AFF4: variants seen among roughly 807,000 people sequenced by gnomAD.
The protein encoded by AFF4 is ALF transcription elongation factor 4, also known as AF4/FMR2 family member 4.
In AFF4, 13 loss-of-function variants were observed where a neutral mutation model predicts 124.8. That is an observed-to-expected ratio of 0.10 (90% CI 0.07 to 0.17). The LOEUF (loss-of-function observed/expected upper bound fraction) is 0.17, where lower values mean the gene tolerates loss of function less well. AFF4 is among the 10% of genes least tolerant of loss of function. The probability of loss-of-function intolerance (pLI) is 1.00; values close to 1 mark genes in which losing one functional copy is unlikely to be tolerated. For synonymous variants in AFF4, 477 were observed against 496.1 expected (o/e 0.96, Z 0.51); for missense variants, 1,092 against 1,403.8 (o/e 0.78, Z 3.55).
chr5:132,889,747 G>A (rs1760208005), intron 13 of AFF4, among the ~76,000 whole-genome samples: 1 of 152,266 alleles, frequency 6.6e-6, no homozygotes, highest in Non-Finnish European at 1.5e-5. Flanking sequence ...AGAATTGCCA[G>A]ACTTCAAAAG....
chr5:132,917,860 G>A (rs1200375234), intron 5 of AFF4, among the ~76,000 whole-genome samples: 2 of 149,874 alleles, frequency 1.3e-5, no homozygotes, highest in Non-Finnish European at 3.0e-5. Flanking sequence ...TTACAGGTGT[G>A]TGCCACCGCA....
At chr5:132,908,078 G>A (rs1021041130) in intron 5 of AFF4, among the ~76,000 whole-genome samples, 4 of 151,794 alleles carry the variant, frequency 2.6e-5, no homozygotes, top group African/African-American at 7.3e-5. Context: ...AGTAGTACCA[G>A]TAGGAGATAA....
At chr5:132,936,325 A>G (rs1195846217) in intron 2 of AFF4, among the ~76,000 whole-genome samples, 3 of 151,876 alleles carry the variant, frequency 2.0e-5, no homozygotes, top group Admixed American at 2.0e-4. Context: ...ATTAGCTAAC[A>G]TTCGTATTTT....
intron 5 of AFF4, among the ~76,000 whole-genome samples, chr5:132,911,674 T>A (rs1760793535): frequency 7.1e-6 from 1 of 141,800 alleles, no homozygotes; most frequent in African/African-American, 2.6e-5. Context: ...GAGAAGAGGG[T>A]AAAAAAAAAA....
chr5:132,894,356 T>A (rs1760335270), intron 11 of AFF4, among the ~76,000 whole-genome samples: 1 of 152,226 alleles, frequency 6.6e-6, no homozygotes, highest in Admixed American at 6.5e-5. Flanking sequence ...ATACTTTTGA[T>A]CATAGCACAG....
At chr5:132,895,561 G>A (rs982455082) in intron 11 of AFF4, among the ~76,000 whole-genome samples, 9 of 152,082 alleles carry the variant, frequency 5.9e-5, no homozygotes, top group African/African-American at 1.7e-4. Context: ...GACATGTATC[G>A]GAAGAAATTA....
At chr5:132,952,356 A>G (rs944751320) in intron 1 of AFF4, among the ~76,000 whole-genome samples, 4 of 152,164 alleles carry the variant, frequency 2.6e-5, no homozygotes, top group Non-Finnish European at 5.9e-5. Context: ...CAACTTCCAT[A>G]TTGCTAAATT....
intron 1 of AFF4, among the ~76,000 whole-genome samples, chr5:132,949,366 A>C (rs1761776664): frequency 6.6e-6 from 1 of 152,078 alleles, no homozygotes; most frequent in South Asian, 2.1e-4. Flanking sequence ...CTTTTGGAAT[A>C]AATTATTTTT....
At chr5:132,954,528 T>TGTG (rs1206397522) in intron 1 of AFF4, among the ~76,000 whole-genome samples, 4 of 149,946 alleles carry the variant, frequency 2.7e-5, no homozygotes, top group Non-Finnish European at 5.9e-5. Context: ...CCAGAGGGTG[T>TGTG]GTGTTACAAA....
chr5:132,950,752 C>G (rs561897042), intron 1 of AFF4, among the ~76,000 whole-genome samples: 1 of 152,320 alleles, frequency 6.6e-6, no homozygotes, highest in South Asian at 2.1e-4. Flanking sequence ...TCTCTTCCCT[C>G]CCAGTGACAA....
chr5:132,951,093 T>C lies in AFF4; in HGVS notation c.-5+12166A>G, dbSNP rs1761833304. 1.3e-5 allele frequency among the ~76,000 whole-genome samples: 2 copies of C among 152,016 alleles called. 1 individual carries two copies. The highest frequency in any genetic ancestry group is 4.2e-4 in the South Asian group (2 of 4,812). Reference sequence around the variant, plus strand: ...TACAAAAATTAGCCAGGCGTGGTGGTGCAAACCTGTAGTCCTAGCTACTCA... The same window carrying C: ...TACAAAAATTAGCCAGGCGTGGTGGCGCAAACCTGTAGTCCTAGCTACTCA... On this transcript the variant is annotated intron_variant, in intron 1 of 20. Transcript: ENST00000265343.
At chr5:132,946,427 A>G (rs954800900) in intron 1 of AFF4, among the ~76,000 whole-genome samples, 1 of 152,254 alleles carries the variant, frequency 6.6e-6, no homozygotes, top group African/African-American at 2.4e-5. Context: ...CCATCAACAG[A>G]TGACGATCCA....
At chr5:132,894,121 T>C (rs961420193) in intron 11 of AFF4, among the ~76,000 whole-genome samples, 4 of 152,252 alleles carry the variant, frequency 2.6e-5, no homozygotes, top group African/African-American at 9.6e-5. Flanking sequence ...CTAATATGAA[T>C]AATGCTACTA....
rs1759822054 is a variant in AFF4, at chr5:132,875,668, T to TA, written c.*5390dup. The TA allele has an allele frequency of 5.0e-6, 1 of 200,120 alleles. No individual in the cohort carries two copies. The highest frequency in any genetic ancestry group is 1.0e-5 in the Non-Finnish European group (1 of 96,804). The allele number at this position is 200,120 out of a possible 1,614,324, so 12.4% of individuals were successfully genotyped here. On this transcript the variant is annotated 3_prime_UTR_variant, in exon 21 of 21. Coordinates refer to ENST00000265343, the MANE Select transcript of AFF4 (RefSeq NM_014423.4). ...GTGGAAAAATCTAGTTAGTATATAA[T>TA]ACTTTGCTCACCATTAACAGCTTTA...
At chr5:132,926,863 T>TTAA in intron 5 of AFF4, 1 of 346,730 alleles carries the variant, frequency 2.9e-6, no homozygotes, top group Non-Finnish European at 5.3e-6. Flanking sequence ...TCCGGCTGTA[T>TTAA]TAATGTCTTT....
chr5:132,946,801 T>TA (rs760406713), intron 1 of AFF4, among the ~76,000 whole-genome samples: 2 of 152,190 alleles, frequency 1.3e-5, no homozygotes, highest in Non-Finnish European at 2.9e-5. Flanking sequence ...TTTGCCACAA[T>TA]AAAAAAATTA....
chr5:132,915,112 G>A (rs1760878201), intron 5 of AFF4, among the ~76,000 whole-genome samples: 1 of 152,154 alleles, frequency 6.6e-6, no homozygotes, highest in Admixed American at 6.5e-5. Context: ...GCCGAGGCAG[G>A]CGGATCACGA....
At chr5:132,884,652 A>G (rs1760070673) in intron 19 of AFF4, among the ~76,000 whole-genome samples, 1 of 152,226 alleles carries the variant, frequency 6.6e-6, no homozygotes, top group Non-Finnish European at 1.5e-5. Context: ...ACAATTTAAA[A>G]GGTTCCATGG....
intron 1 of AFF4, among the ~76,000 whole-genome samples, chr5:132,941,973 C>T (rs1761579561): frequency 2.0e-5 from 3 of 150,904 alleles, no homozygotes; most frequent in South Asian, 2.1e-4. Flanking sequence ...CACCAGTGCA[C>T]TCCAGCCCGG....
Sources: allele counts gnomAD v4.1 joint callset (sites outside exome capture counted in the v4.1 genomes callset), GRCh38; gene constraint gnomAD v4.1.1; transcripts MANE v1.5; gene names NCBI Gene and HGNC (gene_info 2026-07-23, HGNC 2026-07-21).